KCNIP1: variants seen among roughly 807,000 people sequenced by gnomAD.
KCNIP1 encodes A-type potassium channel modulatory protein KCNIP1.
In KCNIP1, 18 loss-of-function variants were observed where a neutral mutation model predicts 33.0. The observed-to-expected ratio is 0.55, with a 90% CI of 0.38 to 0.81. KCNIP1 has a LOEUF of 0.81. KCNIP1 is among the 30% of genes least tolerant of loss of function. The pLI, the probability that KCNIP1 is intolerant of heterozygous loss-of-function variation, is 0.00. For synonymous variants in KCNIP1, 93 were observed against 98.3 expected (o/e 0.95, Z 0.32); for missense variants, 238 against 271.6 (o/e 0.88, Z 0.87).
At chr5:170,366,596 A>G (rs1056058368) in intron 1 of KCNIP1, among the ~76,000 whole-genome samples, 1 of 152,224 alleles carries the variant, frequency 6.6e-6, no homozygotes, top group Non-Finnish European at 1.5e-5. Context: ...CCAGTATGTG[A>G]CTGGAAGTCA....
intron 1 of KCNIP1, among the ~76,000 whole-genome samples, chr5:170,443,443 C>A (rs1009457401): frequency 6.6e-6 from 1 of 152,296 alleles, no homozygotes; most frequent in African/African-American, 2.4e-5. Flanking sequence ...TGGCCTCAAC[C>A]TTTTCACTAT....
intron 1 of KCNIP1, among the ~76,000 whole-genome samples, chr5:170,384,523 G>A (rs745417773): frequency 4.6e-5 from 7 of 152,228 alleles, no homozygotes; most frequent in Non-Finnish European, 8.8e-5. Flanking sequence ...AGGCCCGGGA[G>A]AGGCTAACAG....
intron 1 of KCNIP1, among the ~76,000 whole-genome samples, chr5:170,521,003 A>G (rs2113305388): frequency 6.6e-6 from 1 of 152,326 alleles, no homozygotes; most frequent in South Asian, 2.1e-4. Flanking sequence ...GAGAAGGTAT[A>G]TGTGAAATGC....
At chr5:170,686,085 T>G (rs1321581815) in intron 1 of KCNIP1, among the ~76,000 whole-genome samples, 1 of 152,178 alleles carries the variant, frequency 6.6e-6, no homozygotes, top group Non-Finnish European at 1.5e-5. Flanking sequence ...CAGGACAAAG[T>G]ACTATCAGGA....
At chr5:170,706,652 T>C (rs1443967028) in intron 1 of KCNIP1, among the ~76,000 whole-genome samples, 1 of 152,240 alleles carries the variant, frequency 6.6e-6, no homozygotes, top group African/African-American at 2.4e-5. Flanking sequence ...TGAGTTTCCA[T>C]CAGTGAGAAA....
At chr5:170,543,938 C>G (rs113728910) in intron 1 of KCNIP1, among the ~76,000 whole-genome samples, 4,531 of 152,220 alleles carry the variant, frequency 0.03, 104 homozygotes, top group Non-Finnish European at 0.044. Context: ...ACCAATAGAT[C>G]TAGGTTAAAT....
chr5:170,556,027 C>T (rs1756832692), intron 1 of KCNIP1, among the ~76,000 whole-genome samples: 1 of 152,198 alleles, frequency 6.6e-6, no homozygotes, highest in Non-Finnish European at 1.5e-5. Context: ...ACCTTTGGCC[C>T]ACTGCAACAA....
intron 1 of KCNIP1, among the ~76,000 whole-genome samples, chr5:170,597,784 A>AATATATATATATATATATATAT (rs10525595): frequency 1.5e-5 from 2 of 134,424 alleles, no homozygotes; most frequent in Admixed American, 7.3e-5. Context: ...GAGAGAGATA[A>AATATATATATATATATATATAT]ATATATATAT....
intron 1 of KCNIP1, among the ~76,000 whole-genome samples, chr5:170,668,087 T>TG (rs1761774801): frequency 6.6e-6 from 1 of 152,200 alleles, no homozygotes; most frequent in South Asian, 2.1e-4. Context: ...GTAATAGATG[T>TG]GGGGCTGCAG....
At chr5:170,444,666 A>G (rs1470664987) in intron 1 of KCNIP1, among the ~76,000 whole-genome samples, 1 of 151,208 alleles carries the variant, frequency 6.6e-6, no homozygotes, top group Non-Finnish European at 1.5e-5. Context: ...ATAAAATGCT[A>G]CCAGTGTCTA....
intron 1 of KCNIP1, among the ~76,000 whole-genome samples, chr5:170,415,265 GC>G (rs911790245): frequency 1.4e-4 from 21 of 152,278 alleles, no homozygotes; most frequent in African/African-American, 5.1e-4. Context: ...TTTGCCGTCT[GC>G]CTGTCCCTCA....
At chr5:170,641,769 G>A (rs568466991) in intron 1 of KCNIP1, among the ~76,000 whole-genome samples, 20 of 152,172 alleles carry the variant, frequency 1.3e-4, no homozygotes, top group Non-Finnish European at 1.2e-4. Context: ...CACGATCTAC[G>A]ACATTGGCTT....
Position 170,521,109 on chromosome 5 carries a change from C to T in KCNIP1, c.61+16476C>T, listed in dbSNP as rs113335804. Among the ~76,000 whole-genome samples the T allele has an allele frequency of 4.6e-5, 7 of 152,314 alleles. 1 individual carries two copies. Among genetic ancestry groups the T allele is most frequent in the African/African-American group, 1.7e-4 (7 of 41,582 alleles). On this transcript the variant is annotated intron_variant, in intron 1 of 7. Transcript: ENST00000328939. ...GCAACAGACTTGATAAATACAGGTT[C>T]CTCTGCAACCACAATCCTAGTCCTT...
intron 1 of KCNIP1, among the ~76,000 whole-genome samples, chr5:170,585,576 G>A (rs751359725): frequency 4.1e-4 from 63 of 151,992 alleles, no homozygotes; most frequent in Non-Finnish European, 7.9e-4. Flanking sequence ...CAATACCTGC[G>A]AGCCTGTCAG....
intron 1 of KCNIP1, among the ~76,000 whole-genome samples, chr5:170,556,555 A>G (rs1756855431): frequency 6.6e-6 from 1 of 152,188 alleles, no homozygotes; most frequent in Non-Finnish European, 1.5e-5. Flanking sequence ...GCCGATGTCA[A>G]CAGGGAAGAG....
intron 1 of KCNIP1, chr5:170,420,481 C>G (rs1755454167): frequency 7.0e-6 from 1 of 143,462 alleles, no homozygotes; most frequent in Non-Finnish European, 1.5e-5. Context: ...TGCAGTGAGC[C>G]AAAATCGCAC....
intron 1 of KCNIP1, among the ~76,000 whole-genome samples, chr5:170,638,915 C>G (rs1760412258): frequency 6.6e-6 from 1 of 152,194 alleles, no homozygotes. Flanking sequence ...GGGGAAGACC[C>G]AGAGGCCCAG....
At chr5:170,669,423 G>A (rs1581474282) in intron 1 of KCNIP1, 1 of 652,798 alleles carries the variant, frequency 1.5e-6, no homozygotes, top group Non-Finnish European at 1.9e-6. Context: ...TAGGTCCTTG[G>A]TGCTACATTA....
At chr5:170,453,957 C>T in intron 1 of KCNIP1, among the ~76,000 whole-genome samples, 1 of 152,184 alleles carries the variant, frequency 6.6e-6, no homozygotes, top group South Asian at 2.1e-4. Flanking sequence ...CCAGCCAACA[C>T]CTTGATTGCA....
Sources: allele counts gnomAD v4.1 joint callset (sites outside exome capture counted in the v4.1 genomes callset), GRCh38; gene constraint gnomAD v4.1.1; transcripts MANE v1.5; gene names NCBI Gene and HGNC (gene_info 2026-07-23, HGNC 2026-07-21).